PRLR: variants seen among roughly 807,000 people sequenced by gnomAD.
The protein encoded by PRLR is prolactin receptor, also known as hPRL receptor.
A neutral mutation model predicts 40.2 loss-of-function variants in PRLR; 13 were observed. That is an observed-to-expected ratio of 0.32 (90% confidence interval 0.21 to 0.51). The LOEUF (loss-of-function observed/expected upper bound fraction) is 0.51, where lower values mean the gene tolerates loss of function less well. Ranked by LOEUF, PRLR falls within the 20% of genes least tolerant of loss-of-function variation. The probability of loss-of-function intolerance (pLI) is 0.97; values close to 1 mark genes in which losing one functional copy is unlikely to be tolerated. For synonymous variants in PRLR, 269 were observed against 278.7 expected (o/e 0.97, Z 0.35); for missense variants, 656 against 747.3 (o/e 0.88, Z 1.42).
chr5:35,122,853 G>T (rs1773336885), intron 1 of PRLR, among the ~76,000 whole-genome samples: 1 of 152,180 alleles, frequency 6.6e-6, no homozygotes, highest in Non-Finnish European at 1.5e-5. Context: ...AGGTACCAGG[G>T]TGGCTGAGAG....
chr5:35,067,041 G>A (rs1769423942), intron 9 of PRLR, among the ~76,000 whole-genome samples: 1 of 152,208 alleles, frequency 6.6e-6, no homozygotes, highest in East Asian at 1.9e-4. Context: ...GGGATTACAG[G>A]CGTGAGCCAC....
chr5:35,072,417 T>C (rs566881873), intron 6 of PRLR, among the ~76,000 whole-genome samples, 158 bp downstream of exon 6: 4 of 152,166 alleles, frequency 2.6e-5, no homozygotes, highest in South Asian at 2.1e-4. Flanking sequence ...TCAATCCCAA[T>C]AGAGGGGAAA....
Position 35,153,849 on chromosome 5 carries a change from G to A in PRLR, c.-105-35727C>T, listed in dbSNP as rs183308757. On this transcript the variant is annotated intron_variant, in intron 1 of 9. Transcript: ENST00000618457. ...AGTGCAGTCTTCTAGACCCAAAGAT[G>A]ATGGGTGCCCATTTGGTCCTGAGAA... is the stretch of plus-strand genomic sequence containing the variant. 8.1e-4 allele frequency among the ~76,000 whole-genome samples: 122 copies of A among 151,466 alleles called. 1 individual carries two copies. Among genetic ancestry groups the A allele is most frequent in the Non-Finnish European group, 1.3e-3 (88 of 67,862 alleles).
In PRLR at chr5:35,056,520, T is replaced by A. The variant is rs1453587117; in HGVS notation, c.*8569A>T. ...AAAGAAACTGGGGAGATTTAGAATG[T>A]ATAAAACTTGATTAGCAAGTTGTAG... is the stretch of plus-strand genomic sequence containing the variant. On this transcript the variant is annotated 3_prime_UTR_variant, in exon 10 of 10. Coordinates refer to ENST00000618457, the MANE Select transcript of PRLR (RefSeq NM_000949.7). The A allele has an allele frequency of 6.6e-6, 1 of 152,186 alleles. No homozygotes were observed. Among genetic ancestry groups the A allele is most frequent in the Non-Finnish European group, 1.5e-5 (1 of 68,032 alleles). 9.4% of individuals were successfully genotyped at this position (152,186 alleles called of 1,614,324 possible).
At chr5:35,051,761 A>G (rs2112323690), downstream of PRLR, among the ~76,000 whole-genome samples, 1 of 152,350 alleles carries the variant, frequency 6.6e-6, no homozygotes, top group East Asian at 1.9e-4. Context: ...AAAGGAAAAT[A>G]TTCTCAACCA....
At chr5:35,219,966 C>T (rs753540080) in intron 1 of PRLR, among the ~76,000 whole-genome samples, 11 of 152,160 alleles carry the variant, frequency 7.2e-5, no homozygotes, top group African/African-American at 1.2e-4. Flanking sequence ...GCCATGCTGG[C>T]CATACCTCCA....
chr5:35,219,637 T>C (rs1361054150), intron 1 of PRLR, among the ~76,000 whole-genome samples: 4 of 152,108 alleles, frequency 2.6e-5, no homozygotes, highest in Non-Finnish European at 5.9e-5. Context: ...AAACTAGTAA[T>C]GCGAATGTGA....
chr5:35,082,072 T>G (rs1390233046), intron 5 of PRLR: 2 of 152,970 alleles, frequency 1.3e-5, no homozygotes, highest in Non-Finnish European at 2.9e-5. Flanking sequence ...GGCGAGTCCC[T>G]GTGGCACTCA....
intron 1 of PRLR, among the ~76,000 whole-genome samples, chr5:35,192,676 T>A (rs1184844734): frequency 6.6e-6 from 1 of 152,152 alleles, no homozygotes; most frequent in Non-Finnish European, 1.5e-5. Context: ...GTAGCACAAA[T>A]GAACAAGAAA....
chr5:35,169,806 G>A (rs929098845), intron 1 of PRLR, among the ~76,000 whole-genome samples: 2 of 152,162 alleles, frequency 1.3e-5, no homozygotes. Flanking sequence ...TGGTGGTATG[G>A]AAGTTTCTCT....
intron 1 of PRLR, chr5:35,130,234 G>A (rs1773621331): frequency 6.6e-6 from 1 of 152,206 alleles, no homozygotes; most frequent in Non-Finnish European, 1.5e-5. Flanking sequence ...TGCTTTTGAT[G>A]GTGGTTGGAT....
chr5:35,157,169 C>A (rs1213148114), intron 1 of PRLR, among the ~76,000 whole-genome samples: 1 of 152,064 alleles, frequency 6.6e-6, no homozygotes, highest in Non-Finnish European at 1.5e-5. Flanking sequence ...CGAGGCTATT[C>A]TTTTCCTGCA....
chr5:35,156,612 G>A (rs147266887), intron 1 of PRLR, among the ~76,000 whole-genome samples: 53 of 152,186 alleles, frequency 3.5e-4, no homozygotes, highest in Admixed American at 1.5e-3. Flanking sequence ...TGAATGTACC[G>A]GGCAGGTTCC....
intron 3 of PRLR, among the ~76,000 whole-genome samples, chr5:35,087,897 C>T (rs553597314): frequency 6.6e-6 from 1 of 152,186 alleles, no homozygotes; most frequent in East Asian, 1.9e-4. Context: ...GCTGGATGCC[C>T]TAGCATTGAG....
chr5:35,228,164 A>G lies in PRLR; in HGVS notation c.-106+2104T>C, dbSNP rs143033231. 2.2e-3 allele frequency among the ~76,000 whole-genome samples: 327 copies of G among 151,248 alleles called. 2 individuals carry two copies. Among genetic ancestry groups the G allele is most frequent in the South Asian group, 4.4e-3 (21 of 4,764 alleles). On this transcript the variant is annotated intron_variant, in intron 1 of 9. Coordinates refer to ENST00000618457, the MANE Select transcript of PRLR (RefSeq NM_000949.7). ...TATTTATGGTGCCACATTAATATTAAGAAAAAGTTTATCATTGACTATGGG... is the reference window on the plus strand; with the variant it reads ...TATTTATGGTGCCACATTAATATTAGGAAAAAGTTTATCATTGACTATGGG...
intron 2 of PRLR, among the ~76,000 whole-genome samples, chr5:35,094,737 C>G (rs1011938169): frequency 2.6e-5 from 4 of 151,868 alleles, no homozygotes; most frequent in Non-Finnish European, 4.4e-5. Flanking sequence ...CCTTACCTGC[C>G]TTGTTCTACC....
intron 5 of PRLR, among the ~76,000 whole-genome samples, chr5:35,075,552 G>C (rs1770026758): frequency 6.6e-6 from 1 of 152,156 alleles, no homozygotes; most frequent in Non-Finnish European, 1.5e-5. Context: ...GCTGGAACTG[G>C]GTGGAGCCCA....
chr5:35,078,538 G>A (rs919504330), intron 5 of PRLR, among the ~76,000 whole-genome samples: 8 of 151,842 alleles, frequency 5.3e-5, no homozygotes, highest in African/African-American at 1.7e-4. Context: ...CCAATAACAG[G>A]CTCTGAAATT....
intron 1 of PRLR, among the ~76,000 whole-genome samples, chr5:35,164,230 C>T (rs570077862): frequency 6.6e-6 from 1 of 152,138 alleles, no homozygotes; most frequent in Admixed American, 6.5e-5. Context: ...ACTTATACAA[C>T]CAATTAGCTG....
Sources: gnomAD v4.1 joint callset for allele counts (sites outside exome capture counted in the v4.1 genomes callset) on GRCh38, gnomAD v4.1.1 for gene constraint, MANE v1.5 for transcripts, NCBI Gene and HGNC (gene_info 2026-07-23, HGNC 2026-07-21) for gene names.